The following DRG1 variants were observed in gnomAD, a reference collection of about 807,000 sequenced individuals.
DRG1 encodes developmentally regulated GTP binding protein 1.
DRG1 carries 19 observed loss-of-function variants against 38.8 expected under a neutral mutation model. The ratio of observed to expected loss-of-function variants is 0.49; its 90% CI spans 0.34 to 0.72. The LOEUF (loss-of-function observed/expected upper bound fraction) is 0.72, where lower values mean the gene tolerates loss of function less well. Ranked by LOEUF, DRG1 falls within the 30% of genes least tolerant of loss-of-function variation. DRG1 has a pLI of 0.01. For synonymous variants in DRG1, 167 were observed against 157.5 expected (o/e 1.06, Z -0.45); for missense variants, 299 against 444.8 (o/e 0.67, Z 2.95).
At position 31,426,817 on chromosome 22, in the gene DRG1, G is replaced by A. The variant is rs762374083; in HGVS notation, c.881+35G>A. 1.6e-5 allele frequency: 26 copies of A among 1,602,652 alleles called. 1 individual carries two copies. The South Asian group carries it at 2.6e-4, about 16-fold the overall frequency. On this transcript the variant is annotated intron_variant, in intron 7 of 8. Coordinates refer to ENST00000331457, the MANE Select transcript of DRG1 (RefSeq NM_004147.4). The stretch of plus-strand genomic sequence containing the variant: ...TGTGGATAGGGTAATGTTGCTATAG[G>A]AATTAACCAGACTGTCCTAAAATGA...
chr22:31,402,612 G>A (rs149065948), intron 2 of DRG1, among the ~76,000 whole-genome samples: 119 of 148,480 alleles, frequency 8.0e-4, no homozygotes, highest in Non-Finnish European at 1.5e-3. Context: ...GGGCTCAAGC[G>A]ATCCTCCCAC....
Position 31,426,855 on chromosome 22 carries a change from C to T in DRG1, c.881+73C>T, listed in dbSNP as rs2050114082. ...TGTCCTAAAATGATACTTTCTGGAGCTCATTAACAAAATCTGGCTCTTTTT... is the reference window on the plus strand; with the variant it reads ...TGTCCTAAAATGATACTTTCTGGAGTTCATTAACAAAATCTGGCTCTTTTT... On this transcript the variant is annotated intron_variant, in intron 7 of 8. Coordinates refer to ENST00000331457, the MANE Select transcript of DRG1 (RefSeq NM_004147.4). 2.6e-6 allele frequency: 4 copies of T among 1,545,002 alleles called. No individual in the cohort carries two copies. In the South Asian group the frequency reaches 3.7e-5, roughly 14 times the overall value.
At chr22:31,431,098 G>A (rs1332755699) in intron 8 of DRG1, among the ~76,000 whole-genome samples, 6 of 138,226 alleles carry the variant, frequency 4.3e-5, no homozygotes, top group Non-Finnish European at 7.7e-5. Context: ...GCAGTGGTGC[G>A]ATCTCGGCTC....
intron 3 of DRG1, among the ~76,000 whole-genome samples, chr22:31,403,664 A>G (rs985123769): frequency 7.3e-5 from 11 of 151,664 alleles, no homozygotes; most frequent in Non-Finnish European, 1.3e-4. Flanking sequence ...TTGTATTTTT[A>G]GTAGAAATGG....
chr22:31,428,360 C>T (rs932677654), intron 8 of DRG1, among the ~76,000 whole-genome samples: 7 of 151,954 alleles, frequency 4.6e-5, no homozygotes, highest in Non-Finnish European at 8.8e-5. Context: ...TACAGGTGCC[C>T]GCCACCACGC....
At chr22:31,427,031 C>T (rs1433981733) in intron 7 of DRG1, 29 bp from the exon 8 acceptor site, 2 of 1,612,934 alleles carry the variant, frequency 1.2e-6, no homozygotes, top group African/African-American at 2.7e-5. Flanking sequence ...TCTAAGAAGG[C>T]AGTAATCTTT....
At chr22:31,405,171 T>TC (rs1491192321) in intron 3 of DRG1, among the ~76,000 whole-genome samples, 4 of 151,320 alleles carry the variant, frequency 2.6e-5, no homozygotes, top group African/African-American at 7.3e-5. Flanking sequence ...TAATAAATTT[T>TC]CTTTTTTTTT....
intron 8 of DRG1, among the ~76,000 whole-genome samples, chr22:31,431,035 CTTT>C (rs1365360511): frequency 1.6e-4 from 9 of 56,768 alleles, no homozygotes; most frequent in Admixed American, 2.4e-4. Flanking sequence ...CCCCCCCCCG[CTTT>C]TTTTTTTTTT....
At chr22:31,428,340 T>G (rs1263110327) in intron 8 of DRG1, among the ~76,000 whole-genome samples, 1 of 151,984 alleles carries the variant, frequency 6.6e-6, no homozygotes, top group Non-Finnish European at 1.5e-5. Context: ...GCCTCCCGAG[T>G]AGCTGGGACT....
Position 31,434,382 on chromosome 22 carries a change from A to C in DRG1, c.*411A>C. 5.5e-6 allele frequency: 1 copy of C among 182,170 alleles called. No individual in the cohort carries two copies. The highest frequency in any genetic ancestry group is 1.1e-5 in the Non-Finnish European group (1 of 87,594). 11.3% of individuals were successfully genotyped at this position (182,170 alleles called of 1,614,324 possible). On this transcript the variant is annotated 3_prime_UTR_variant, in exon 9 of 9. Transcript: ENST00000331457. ...ACTAGATATGGCTTTCAGTCCTTTC[A>C]AGTAGTCTTTCCCACATGATACTGG...
At chr22:31,426,513 TG>T in intron 6 of DRG1, 101 bp from the exon 7 acceptor site, 1 of 991,326 alleles carries the variant, frequency 1.0e-6, no homozygotes, top group Non-Finnish European at 1.5e-6. Context: ...CAGTCCCTCT[TG>T]GGAGCGCCAG....
At chr22:31,419,402 C>G (rs946941334) in intron 4 of DRG1, among the ~76,000 whole-genome samples, 13 of 150,798 alleles carry the variant, frequency 8.6e-5, no homozygotes, top group African/African-American at 3.2e-4. Flanking sequence ...GTTGCACAGG[C>G]TGGTCTCAAA....
chr22:31,413,930 T>G (rs1040014329), intron 4 of DRG1, among the ~76,000 whole-genome samples: 2 of 151,964 alleles, frequency 1.3e-5, no homozygotes, highest in African/African-American at 4.8e-5. Context: ...TGTCTATTCT[T>G]AACAAGAACA....
At chr22:31,423,231 T>C (rs779463942) in intron 5 of DRG1, 49 bp from the exon 6 acceptor site, 8 of 1,606,306 alleles carry the variant, frequency 5.0e-6, no homozygotes, top group South Asian at 3.3e-5. Flanking sequence ...ACTTGACAAG[T>C]ATTTTTTTTA....
chr22:31,409,149 A>G (rs1490329044), intron 3 of DRG1, among the ~76,000 whole-genome samples: 1 of 151,998 alleles, frequency 6.6e-6, no homozygotes, highest in Non-Finnish European at 1.5e-5. Context: ...GGCTGGCATA[A>G]TCTCGGCTCA....
chr22:31,403,771 G>A (rs1234424438), intron 3 of DRG1, among the ~76,000 whole-genome samples: 2 of 151,936 alleles, frequency 1.3e-5, no homozygotes, highest in Non-Finnish European at 2.9e-5. Context: ...GTGAGCCACC[G>A]CGCCCGGCCC....
At chr22:31,402,015 TAC>T (rs2049964057) in intron 2 of DRG1, among the ~76,000 whole-genome samples, 1 of 150,988 alleles carries the variant, frequency 6.6e-6, no homozygotes, top group African/African-American at 2.4e-5. Context: ...CATGCCACTG[TAC>T]CCCAGCCTGG....
Position 31,400,686 on chromosome 22 carries a change from A to G in DRG1, c.109A>G (p.Lys37Glu). ...AGGGCTGCTTAAGGCTCGTCTTGCT[A>G]AGCTTCGTCGAGAACTCATTACTCC... ...HLGLLKARLA[K>E]LRRELITPKG... Residue 37 changes from lysine (K) to glutamate (E), a missense_variant, in exon 2 of 9, where the codon AAG (lysine) becomes GAG (glutamate). By Grantham distance (56) the Lys-to-Glu change is moderately conservative. Around this residue, in one of 3 missense-constraint regions of DRG1, gnomAD observed 51 missense variants for 56.1 expected, o/e 0.91. Coordinates refer to ENST00000331457, the MANE Select transcript of DRG1 (RefSeq NM_004147.4). The G allele has an allele frequency of 6.2e-7, 1 of 1,613,564 alleles. No homozygotes were observed. The highest frequency in any genetic ancestry group is 1.3e-5 in the African/African-American group (1 of 74,992).
chr22:31,403,891 G>T (rs1243733554), intron 3 of DRG1, among the ~76,000 whole-genome samples: 1 of 151,772 alleles, frequency 6.6e-6, no homozygotes, highest in Admixed American at 6.6e-5. Context: ...GAATGAAGCA[G>T]TGTGGACATA....
Sources: gnomAD v4.1 joint callset for allele counts (sites outside exome capture counted in the v4.1 genomes callset) on GRCh38, gnomAD v4.1.1 for gene constraint, gnomAD v4.1.1 regional missense constraint, MANE v1.5 for transcripts, NCBI Gene and HGNC (gene_info 2026-07-23, HGNC 2026-07-21) for gene names.